GRIN2A: variants seen among roughly 807,000 people sequenced by gnomAD.
GRIN2A encodes glutamate receptor ionotropic, NMDA 2A.
GRIN2A carries 22 observed loss-of-function variants against 113.4 expected under a neutral mutation model. That is an observed-to-expected ratio of 0.19 (90% CI 0.14 to 0.28). The LOEUF is 0.28. GRIN2A is among the 10% of genes least tolerant of loss of function. The pLI, the probability that GRIN2A is intolerant of heterozygous loss-of-function variation, is 1.00. For synonymous variants in GRIN2A, 827 were observed against 738.4 expected, an observed-to-expected ratio of 1.12 and a Z score of -1.94; for missense variants, 1,502 against 1,887.0, an observed-to-expected ratio of 0.80 and a Z score of 3.78.
intron 2 of GRIN2A, among the ~76,000 whole-genome samples, chr16:10,107,749 G>A (rs879679901): frequency 2.6e-5 from 4 of 152,218 alleles, no homozygotes; most frequent in South Asian, 2.1e-4. Context: ...TGAAGCCATC[G>A]TTGCCCTGCT....
chr16:9,979,785 C>CTATA lies in GRIN2A; in HGVS notation c.415-41238_415-41235dup, dbSNP rs71157796. 1.0e-2 allele frequency among the ~76,000 whole-genome samples: 1,223 copies of CTATA among 122,302 alleles called. 31 individuals are homozygous for CTATA. Among genetic ancestry groups the CTATA allele is most frequent in the African/African-American group, 0.027 (920 of 34,684 alleles). 80.2% of individuals were successfully genotyped at this position (122,302 alleles called of 152,430 possible). ...TATATACATATAAGGGACTATGGGA[C>CTATA]TATATATATATATATATATATATAT... On this transcript the variant is annotated intron_variant, in intron 2 of 12. Transcript: ENST00000330684.
chr16:10,074,892 A>G lies in GRIN2A; in HGVS notation c.414+105106T>C, dbSNP rs185924561. ...TAAATTTTATGTGAATTATATCTCAAAAACATTTAAACGTAAGACTAGGTA... is the reference window on the plus strand; with the variant it reads ...TAAATTTTATGTGAATTATATCTCAGAAACATTTAAACGTAAGACTAGGTA... On this transcript the variant is annotated intron_variant, in intron 2 of 12. Transcript: ENST00000330684. Among the ~76,000 whole-genome samples, 393 of 152,308 alleles carry G rather than the reference A, an allele frequency of 2.6e-3. 6 individuals are homozygous for G. Among genetic ancestry groups the G allele is most frequent in the Non-Finnish European group, 6.8e-4 (46 of 68,038 alleles).
At chr16:9,901,845 T>C (rs1052006677) in intron 3 of GRIN2A, among the ~76,000 whole-genome samples, 1 of 152,198 alleles carries the variant, frequency 6.6e-6, no homozygotes, top group Non-Finnish European at 1.5e-5. Flanking sequence ...ACAAAAGAAC[T>C]CTGGTCTTCA....
rs1301969352 is a variant in GRIN2A at position 9,759,207 on chromosome 16, G to A, written c.*3942C>T. 9.2e-6 allele frequency: 2 copies of A among 217,814 alleles called. No homozygotes were observed. The highest frequency in any genetic ancestry group is 1.8e-5 in the Non-Finnish European group (2 of 108,560). 13.5% of individuals were successfully genotyped at this position (217,814 alleles called of 1,614,324 possible). On this transcript the variant is annotated 3_prime_UTR_variant, in exon 13 of 13. Transcript: ENST00000330684. ...AAACCGCAAGGGATTTCAGTACAAG[G>A]TACTTATTTATATGACAACTGATTA... is the stretch of plus-strand genomic sequence containing the variant.
chr16:10,005,133 T>A (rs746764323), intron 2 of GRIN2A, among the ~76,000 whole-genome samples: 43 of 152,278 alleles, frequency 2.8e-4, no homozygotes, highest in Non-Finnish European at 4.9e-4. Context: ...ATGAATCAAA[T>A]AAAATAATCA....
chr16:10,067,219 A>G (rs554509584), intron 2 of GRIN2A, among the ~76,000 whole-genome samples: 12 of 151,462 alleles, frequency 7.9e-5, no homozygotes, highest in Non-Finnish European at 1.6e-4. Flanking sequence ...TTTTTCCCTC[A>G]TTTTTTTCTG....
upstream of GRIN2A, chr16:10,182,532 A>C (rs1055146536): frequency 2.0e-5 from 3 of 151,940 alleles, no homozygotes; most frequent in Admixed American, 2.0e-4. Flanking sequence ...TCCCCGAGGG[A>C]GGTGGATCTT....
intron 2 of GRIN2A, among the ~76,000 whole-genome samples, chr16:10,084,779 C>T (rs2048054510): frequency 2.5e-5 from 1 of 39,888 alleles, no homozygotes. Flanking sequence ...TTTTCTGCCT[C>T]CAACCTCTGA....
In GRIN2A at chr16:10,124,098, C is replaced by G. The variant is rs1012586638; in HGVS notation, c.414+55900G>C. Among the ~76,000 whole-genome samples the G allele has an allele frequency of 2.6e-5, 4 of 152,234 alleles. No individual in the cohort carries two copies. In the South Asian group the frequency reaches 8.3e-4, roughly 32 times the overall value. The stretch of plus-strand genomic sequence containing the variant: ...TTGCAAGCTTCTGACTCTCACAACT[C>G]AACCCATCAGCTTAGGTTGTTAAAA... On this transcript the variant is annotated intron_variant, in intron 2 of 12. Coordinates refer to ENST00000330684, the MANE Select transcript of GRIN2A (RefSeq NM_001134407.3).
At chr16:10,059,256 A>G (rs1354295930) in intron 2 of GRIN2A, among the ~76,000 whole-genome samples, 3 of 151,884 alleles carry the variant, frequency 2.0e-5, no homozygotes, top group African/African-American at 2.4e-5. Context: ...CAGTGTATGC[A>G]GGGGAATAAC....
chr16:9,967,566 G>A (rs746480221), intron 2 of GRIN2A, among the ~76,000 whole-genome samples: 6 of 152,140 alleles, frequency 3.9e-5, no homozygotes, highest in Admixed American at 6.5e-5. Context: ...TTAGCCGGGC[G>A]TGCTGGCGTG....
At chr16:10,023,467 T>C (rs2087029024) in intron 2 of GRIN2A, among the ~76,000 whole-genome samples, 1 of 152,234 alleles carries the variant, frequency 6.6e-6, no homozygotes, top group African/African-American at 2.4e-5. Flanking sequence ...ATTTGATTAG[T>C]AACCTGGCAC....
rs1160383567 is a variant in GRIN2A at position 10,040,603 on chromosome 16, ACAC to A, written c.415-102055_415-102053del. On this transcript the variant is annotated intron_variant, in intron 2 of 12. Transcript: ENST00000330684. Reference sequence around the variant, plus strand: ...ACACACACACACAAAACACACATCCACACCACATTCACAACTACGCACACATAA... The same window carrying A: ...ACACACACACACAAAACACACATCCACACATTCACAACTACGCACACATAA... 8.5e-5 allele frequency among the ~76,000 whole-genome samples: 13 copies of A among 152,106 alleles called. 1 individual carries two copies. The highest frequency in any genetic ancestry group is 4.2e-4 in the South Asian group (2 of 4,818).
intron 4 of GRIN2A, among the ~76,000 whole-genome samples, chr16:9,850,327 C>T (rs1377895458): frequency 1.3e-5 from 2 of 152,148 alleles, no homozygotes; most frequent in African/African-American, 4.8e-5. Flanking sequence ...TTGATTCTCC[C>T]ACTGTACCAC....
At chr16:9,917,110 C>T (rs574154949) in intron 3 of GRIN2A, among the ~76,000 whole-genome samples, 22 of 152,288 alleles carry the variant, frequency 1.4e-4, no homozygotes, top group South Asian at 4.1e-4. Context: ...GACTTTTCTC[C>T]GGCTCTTTTC....
intron 2 of GRIN2A, among the ~76,000 whole-genome samples, chr16:10,110,262 C>T (rs1285070071): frequency 6.6e-6 from 1 of 152,126 alleles, no homozygotes; most frequent in East Asian, 1.9e-4. Context: ...TGAATGGAAA[C>T]CATTTGGAAT....
intron 5 of GRIN2A, among the ~76,000 whole-genome samples, chr16:9,847,487 C>G (rs990050621): frequency 5.3e-5 from 8 of 151,928 alleles, no homozygotes; most frequent in African/African-American, 1.9e-4. Flanking sequence ...AACACTTGAG[C>G]CTAGGAGTTC....
rs997712237 is a variant in GRIN2A, at chr16:9,850,109, C to G, written c.1123-148G>C. The stretch of plus-strand genomic sequence containing the variant: ...ATATGCATCTACTTCTGTGCTAAGA[C>G]AAACGGGCATAAAGAGAAAACAGAA... On this transcript the variant is annotated intron_variant, in intron 4 of 12. Transcript: ENST00000330684. 3 of 732,180 alleles carry G rather than the reference C, an allele frequency of 4.1e-6. No homozygotes were observed. The East Asian group carries it at 8.0e-5, about 20-fold the overall frequency. The allele number at this position is 732,180 out of a possible 1,614,324, so 45.4% of individuals were successfully genotyped here.
At chr16:9,833,463 A>G (rs1487611788) in intron 8 of GRIN2A, among the ~76,000 whole-genome samples, 1 of 152,208 alleles carries the variant, frequency 6.6e-6, no homozygotes, top group African/African-American at 2.4e-5. Context: ...ACTGAAGTTG[A>G]AACCCATGAC....
Sources: allele counts gnomAD v4.1 joint callset (sites outside exome capture counted in the v4.1 genomes callset), GRCh38; gene constraint gnomAD v4.1.1; transcripts MANE v1.5; gene names NCBI Gene and HGNC (gene_info 2026-07-23, HGNC 2026-07-21).